FBLN2: variants seen among roughly 807,000 people sequenced by gnomAD.
The protein encoded by FBLN2 is fibulin-2.
Under a neutral mutation model 123.7 loss-of-function variants are expected in FBLN2, and 81 were observed. The ratio of observed to expected loss-of-function variants is 0.65; its 90% CI spans 0.55 to 0.79. The LOEUF is 0.79. FBLN2 is among the 30% of genes least tolerant of loss of function. The probability of loss-of-function intolerance (pLI) is 0.00; values close to 1 mark genes in which losing one functional copy is unlikely to be tolerated. For missense variants in FBLN2, 1,603 were observed against 1,681.3 expected (o/e 0.95, Z 0.81); for synonymous variants, 699 against 701.4 (o/e 1.00, Z 0.05).
intron 2 of FBLN2, among the ~76,000 whole-genome samples, chr3:13,599,726 G>GCGTC (rs1392134509): frequency 6.6e-6 from 1 of 151,814 alleles, no homozygotes; most frequent in Non-Finnish European, 1.5e-5. Flanking sequence ...TGGCCTGGGA[G>GCGTC]CGTCCTGAGG....
chr3:13,549,963 T>C (rs1289407565), intron 1 of FBLN2, among the ~76,000 whole-genome samples: 1 of 152,210 alleles, frequency 6.6e-6, no homozygotes, highest in Non-Finnish European at 1.5e-5. Flanking sequence ...TACTGCCCTC[T>C]GACACGCACA....
intron 2 of FBLN2, among the ~76,000 whole-genome samples, chr3:13,604,779 G>C (rs1457863610): frequency 2.0e-5 from 3 of 152,224 alleles, no homozygotes; most frequent in Non-Finnish European, 4.4e-5. Context: ...ACAGTAACAG[G>C]TTGTGATGGA....
In FBLN2 at chr3:13,574,839, C is replaced by T. The variant is rs551918757; in HGVS notation, c.1306+3178C>T. On this transcript the variant is annotated intron_variant, in intron 2 of 17. Coordinates refer to ENST00000404922, the MANE Select transcript of FBLN2 (RefSeq NM_001004019.2). Reference sequence around the variant, plus strand: ...CAAACCCCACTTCCCCCAAGAGGCTCAGTTGGGCAGCCCGATCCCCCACCC... The same window carrying T: ...CAAACCCCACTTCCCCCAAGAGGCTTAGTTGGGCAGCCCGATCCCCCACCC... 9.4e-4 allele frequency among the ~76,000 whole-genome samples: 143 copies of T among 152,320 alleles called. 1 individual carries two copies. Among genetic ancestry groups the T allele is most frequent in the African/African-American group, 3.4e-3 (143 of 41,572 alleles).
At chr3:13,589,756 CTCT>C (rs993137713) in intron 2 of FBLN2, among the ~76,000 whole-genome samples, 2 of 152,312 alleles carry the variant, frequency 1.3e-5, no homozygotes, top group East Asian at 1.9e-4. Flanking sequence ...ATTAATCTCT[CTCT>C]TCTTCTTCCC....
Position 13,638,353 on chromosome 3 carries a change from T to TAA in FBLN2, c.*435_*436insAA. ...ACTATAAAGTAGTACATGTACATTA[T>TAA]ATAAAAAAAAGTTCAACTAGTATGA... On this transcript the variant is annotated 3_prime_UTR_variant, in exon 18 of 18. Coordinates refer to ENST00000404922, the MANE Select transcript of FBLN2 (RefSeq NM_001004019.2). 6.9e-6 allele frequency: 2 copies of TAA among 288,022 alleles called. No individual in the cohort carries two copies. Among genetic ancestry groups the TAA allele is most frequent in the East Asian group, 1.4e-4 (1 of 7,064 alleles). 17.8% of individuals were successfully genotyped at this position (288,022 alleles called of 1,614,324 possible). A position where few individuals can be genotyped will look rare whatever the true frequency, so the allele number is the denominator to read the frequency against.
At chr3:13,602,686 T>G (rs1267722686) in intron 2 of FBLN2, among the ~76,000 whole-genome samples, 1 of 152,216 alleles carries the variant, frequency 6.6e-6, no homozygotes, top group Non-Finnish European at 1.5e-5. Context: ...TCCTATTAAC[T>G]TTTCTATTTA....
chr3:13,597,907 G>T (rs1021957043), intron 2 of FBLN2, among the ~76,000 whole-genome samples: 1 of 152,220 alleles, frequency 6.6e-6, no homozygotes, highest in Non-Finnish European at 1.5e-5. Flanking sequence ...AACCCCAGGA[G>T]GCCAGAGAGA....
chr3:13,609,573 C>T lies in FBLN2; in HGVS notation c.1479C>T (p.Val493=). Reference sequence around the variant, plus strand: ...AGGAGAAGAGCTGCATGGCCGGCGTCCTGGGAGCCAAGGAGGGTGAGACCT... The same window carrying T: ...AGGAGAAGAGCTGCATGGCCGGCGTTCTGGGAGCCAAGGAGGGTGAGACCT... ...YLQEKSCMAG[V]LGAKEGETCG... is the part of the protein sequence containing the mutation. The change falls in exon 4 of 18, where the codon GTC becomes GTT. Residue 493 remains valine (V), a synonymous_variant. Transcript: ENST00000404922. 6.4e-7 allele frequency: 1 copy of T among 1,555,892 alleles called. No individual in the cohort carries two copies. The highest frequency in any genetic ancestry group is 2.4e-5 in the East Asian group (1 of 41,652).
chr3:13,582,467 G>T (rs1312745738), intron 2 of FBLN2, among the ~76,000 whole-genome samples: 1 of 152,226 alleles, frequency 6.6e-6, no homozygotes, highest in Non-Finnish European at 1.5e-5. Flanking sequence ...GGGCTTTGAG[G>T]TGAAGCTTCT....
At chr3:13,633,047 G>T (rs1341914852) in intron 16 of FBLN2, among the ~76,000 whole-genome samples, 1 of 152,224 alleles carries the variant, frequency 6.6e-6, no homozygotes, top group Non-Finnish European at 1.5e-5. Context: ...GCTCTTGGAG[G>T]AGTTTCAGGA....
intron 1 of FBLN2, among the ~76,000 whole-genome samples, chr3:13,567,963 A>G (rs960543505): frequency 6.6e-6 from 1 of 152,164 alleles, no homozygotes; most frequent in Non-Finnish European, 1.5e-5. Context: ...GTCTCTAAAA[A>G]CAAACAGAAA....
At chr3:13,590,003 A>G (rs941877013) in intron 2 of FBLN2, among the ~76,000 whole-genome samples, 4 of 152,202 alleles carry the variant, frequency 2.6e-5, no homozygotes, top group Non-Finnish European at 5.9e-5. Context: ...AAGCCTTAAT[A>G]GAACAGCCCA....
intron 2 of FBLN2, among the ~76,000 whole-genome samples, chr3:13,576,524 T>C (rs538997173): frequency 1.4e-4 from 22 of 152,194 alleles, no homozygotes; most frequent in Non-Finnish European, 1.5e-4. Context: ...AGGAAGAAAG[T>C]AGAGCTGGAG....
In FBLN2 at chr3:13,618,921, C is replaced by T. The variant is rs377500691; in HGVS notation, c.1957C>T (p.Pro653Ser). Residue 653 changes from proline to serine, a missense_variant, in exon 7 of 18, where the codon CCG (proline) becomes TCG (serine). Pro to Ser is a moderately conservative substitution (Grantham distance 74). Coordinates refer to ENST00000404922, the MANE Select transcript of FBLN2 (RefSeq NM_001004019.2). Reference protein sequence around the residue: ...TCRPEGHPPQPEAPQEPALKS... With the variant: ...TCRPEGHPPQSEAPQEPALKS... ...CATGACAGAGGGTCACCCTCCACAGCCGGAAGCCCCACAGGAGCCTGCACT... is the reference window on the plus strand; with the variant it reads ...CATGACAGAGGGTCACCCTCCACAGTCGGAAGCCCCACAGGAGCCTGCACT... The T allele has an allele frequency of 3.1e-6, 5 of 1,612,936 alleles. No individual in the cohort carries two copies. Among genetic ancestry groups the T allele is most frequent in the Non-Finnish European group, 4.2e-6 (5 of 1,179,574 alleles).
At chr3:13,588,939 A>G (rs571697362) in intron 2 of FBLN2, among the ~76,000 whole-genome samples, 1 of 152,362 alleles carries the variant, frequency 6.6e-6, no homozygotes, top group East Asian at 1.9e-4. Flanking sequence ...AAGTAACACA[A>G]AACATCATTC....
intron 2 of FBLN2, among the ~76,000 whole-genome samples, chr3:13,580,388 ATT>A (rs1308076827): frequency 6.6e-6 from 1 of 152,140 alleles, no homozygotes; most frequent in Non-Finnish European, 1.5e-5. Context: ...TGCGACAAAT[ATT>A]TATTGAGTGC....
intron 5 of FBLN2, among the ~76,000 whole-genome samples, chr3:13,614,782 TATCCATCC>T (rs911633476): frequency 1.5e-4 from 23 of 149,680 alleles, no homozygotes; most frequent in African/African-American, 5.2e-4. Flanking sequence ...TCCGTTTGTT[TATCCATCC>T]ATCCATCCAT....
chr3:13,623,301 A>G (rs765039296), intron 9 of FBLN2, among the ~76,000 whole-genome samples: 1 of 152,202 alleles, frequency 6.6e-6, no homozygotes, highest in African/African-American at 2.4e-5. Flanking sequence ...GTGCCTGAGT[A>G]CGCAGGCTTG....
In FBLN2 at chr3:13,621,898, C is replaced by T. The variant is rs570162851; in HGVS notation, c.2279C>T (p.Ala760Val). The change falls in exon 9 of 18, where the codon GCG becomes GTG. Residue 760 changes from alanine to valine, a missense_variant. Physicochemically the swap from Ala to Val is moderately conservative, Grantham distance 64. Coordinates refer to ENST00000404922, the MANE Select transcript of FBLN2 (RefSeq NM_001004019.2). ...TGTGCCGATGGCTATATCCTCAATGCGCACAGGAAGTGCGTGGGTAAGCCA... is the reference window on the plus strand; with the variant it reads ...TGTGCCGATGGCTATATCCTCAATGTGCACAGGAAGTGCGTGGGTAAGCCA... ...VLCADGYILN[A>V]HRKCVDINEC... The T allele has an allele frequency of 4.0e-5, 65 of 1,613,440 alleles. No homozygotes were observed. Among genetic ancestry groups the T allele is most frequent in the Non-Finnish European group, 5.1e-5 (60 of 1,179,700 alleles).
Sources: gnomAD v4.1 joint callset for allele counts (sites outside exome capture counted in the v4.1 genomes callset) on GRCh38, gnomAD v4.1.1 for gene constraint, MANE v1.5 for transcripts, NCBI Gene and HGNC (gene_info 2026-07-23, HGNC 2026-07-21) for gene names.